Variants in CRTAC1 observed in about 807,000 individuals in gnomAD.
CRTAC1 encodes cartilage acidic protein 1, also known as acidic secreted protein in cartilage.
Under a neutral mutation model 67.8 loss-of-function variants are expected in CRTAC1, and 37 were observed. The ratio of observed to expected loss-of-function variants is 0.55; its 90% CI spans 0.42 to 0.72. The LOEUF is 0.72. Among genes scored for constraint, CRTAC1 ranks in the 30% least tolerant of loss-of-function variants. The pLI is 0.00. For synonymous variants in CRTAC1, 348 were observed against 371.0 expected (o/e 0.94, Z 0.71); for missense variants, 780 against 931.6 (o/e 0.84, Z 2.12).
At chr10:97,904,870 A>C in intron 6 of CRTAC1, 56 bp from the exon 7 acceptor site, 1 of 1,508,676 alleles carries the variant, frequency 6.6e-7, no homozygotes, top group African/African-American at 1.4e-5. Context: ...CTCCACAAAC[A>C]CTCACCCTGC....
chr10:97,974,027 C>T (rs1201575651), intron 2 of CRTAC1, among the ~76,000 whole-genome samples: 4 of 151,088 alleles, frequency 2.6e-5, no homozygotes, highest in Non-Finnish European at 4.4e-5. Context: ...ACACATTCTC[C>T]GGTGACCTCA....
intron 11 of CRTAC1, among the ~76,000 whole-genome samples, chr10:97,890,670 C>CT (rs771905344): frequency 2.4e-3 from 345 of 143,502 alleles, no homozygotes; most frequent in African/African-American, 5.2e-3. Context: ...TCTTTTCTTT[C>CT]TTTTTTTTTT....
At chr10:97,920,464 C>T (rs1484700820) in intron 4 of CRTAC1, among the ~76,000 whole-genome samples, 1 of 152,180 alleles carries the variant, frequency 6.6e-6, no homozygotes, top group Non-Finnish European at 1.5e-5. Context: ...ACACTTTAAC[C>T]TATATCAGAA....
At chr10:97,999,831 G>A (rs1415630750) in intron 2 of CRTAC1, among the ~76,000 whole-genome samples, 3 of 152,162 alleles carry the variant, frequency 2.0e-5, no homozygotes, top group African/African-American at 4.8e-5. Flanking sequence ...ACATCAGGAC[G>A]ACCAGCTGCA....
At chr10:98,023,359 T>G (rs1457636873) in intron 1 of CRTAC1, among the ~76,000 whole-genome samples, 3 of 152,064 alleles carry the variant, frequency 2.0e-5, no homozygotes, top group Non-Finnish European at 4.4e-5. Flanking sequence ...ATACCAAGGG[T>G]CACCTCTGCC....
chr10:97,881,983 A>G (rs1468102254), intron 13 of CRTAC1, among the ~76,000 whole-genome samples: 4 of 152,110 alleles, frequency 2.6e-5, no homozygotes, highest in Non-Finnish European at 2.9e-5. Flanking sequence ...CTGGGCCCTG[A>G]TCACACTGTG....
intron 5 of CRTAC1, among the ~76,000 whole-genome samples, chr10:97,911,129 C>G (rs915574100): frequency 1.3e-5 from 2 of 152,194 alleles, no homozygotes; most frequent in African/African-American, 4.8e-5. Context: ...CCTGGTCTTA[C>G]CAGCTTCTCT....
rs2051792223 is a variant in CRTAC1, at chr10:97,975,871, C to T, written c.224+35267G>A. Among the ~76,000 whole-genome samples, 1 of 152,208 alleles carries T rather than the reference C, an allele frequency of 6.6e-6. No homozygotes were observed. Among genetic ancestry groups the T allele is most frequent in the Non-Finnish European group, 1.5e-5 (1 of 68,020 alleles). On this transcript the variant is annotated intron_variant, in intron 2 of 14. Transcript: ENST00000370597. The surrounding 1 kb of genome is among the most constrained non-coding windows in gnomAD (Gnocchi z 4.8). ...CAATGAGGAGCTAGCTCCCGGCTGC[C>T]CCTTGAGGTCATGAAGCCTTGGAAG...
At chr10:98,005,104 T>A (rs541300442) in intron 2 of CRTAC1, among the ~76,000 whole-genome samples, 256 of 98,886 alleles carry the variant, frequency 2.6e-3, no homozygotes, top group Middle Eastern at 4.8e-3. Context: ...ATATATATTT[T>A]TTTTTTTTTT....
At chr10:97,995,082 T>C (rs1279984375) in intron 2 of CRTAC1, among the ~76,000 whole-genome samples, 1 of 152,212 alleles carries the variant, frequency 6.6e-6, no homozygotes. Context: ...GGAAGATGGC[T>C]GCTGAGGGGG....
At chr10:97,996,062 C>T (rs1253786548) in intron 2 of CRTAC1, among the ~76,000 whole-genome samples, 3 of 152,016 alleles carry the variant, frequency 2.0e-5, no homozygotes, top group East Asian at 3.9e-4. Context: ...CCCTTCCTTA[C>T]ACCTTATACA....
At chr10:97,996,528 A>C (rs1187526084) in intron 2 of CRTAC1, among the ~76,000 whole-genome samples, 3 of 152,138 alleles carry the variant, frequency 2.0e-5, no homozygotes, top group Admixed American at 1.3e-4. Flanking sequence ...TCAAAACCAC[A>C]ATGAGATACC....
intron 2 of CRTAC1, among the ~76,000 whole-genome samples, chr10:98,006,453 TC>T (rs967135740): frequency 4.0e-5 from 6 of 151,858 alleles, no homozygotes; most frequent in Admixed American, 3.3e-4. Context: ...GCCCAGTCCC[TC>T]CCCCATCCCC....
chr10:97,964,481 G>A (rs1011675357), intron 2 of CRTAC1, among the ~76,000 whole-genome samples: 1 of 152,118 alleles, frequency 6.6e-6, no homozygotes. Context: ...GGTGGGGTGG[G>A]GCATCCCATA....
At chr10:97,929,710 T>G (rs1296470212) in intron 3 of CRTAC1, among the ~76,000 whole-genome samples, 1 of 152,298 alleles carries the variant, frequency 6.6e-6, no homozygotes, top group African/African-American at 2.4e-5. Flanking sequence ...AATTAGATAA[T>G]GTATGTAAAG....
At chr10:98,009,849 T>C (rs1842872994) in intron 2 of CRTAC1, among the ~76,000 whole-genome samples, 1 of 152,158 alleles carries the variant, frequency 6.6e-6, no homozygotes, top group Non-Finnish European at 1.5e-5. Context: ...GGGGTTCAGA[T>C]CCCGACTTAT....
chr10:98,021,365 G>A (rs561415983), intron 1 of CRTAC1, among the ~76,000 whole-genome samples: 34 of 152,288 alleles, frequency 2.2e-4, no homozygotes, highest in African/African-American at 7.7e-4. Context: ...AGGAGACTTG[G>A]GCTTGCTCCA....
intron 2 of CRTAC1, among the ~76,000 whole-genome samples, chr10:97,985,577 C>T (rs558634187): frequency 2.7e-4 from 41 of 152,306 alleles, no homozygotes; most frequent in African/African-American, 9.4e-4. Context: ...TGGAGGCCAA[C>T]TGTGCATCTG....
intron 2 of CRTAC1, among the ~76,000 whole-genome samples, chr10:97,966,228 A>G (rs2051614070): frequency 6.6e-6 from 1 of 152,224 alleles, no homozygotes; most frequent in Admixed American, 6.5e-5. Context: ...GGCATGTGCC[A>G]CTATACGTGG....
Sources: gnomAD v4.1 joint callset for allele counts (sites outside exome capture counted in the v4.1 genomes callset) on GRCh38, gnomAD v4.1.1 for gene constraint, Gnocchi (gnomAD v3.1) non-coding constraint, MANE v1.5 for transcripts, NCBI Gene and HGNC (gene_info 2026-07-23, HGNC 2026-07-21) for gene names.